KCNN2: variants seen among roughly 807,000 people sequenced by gnomAD.
The protein encoded by KCNN2 is small conductance calcium-activated potassium channel protein 2.
Under a neutral mutation model 55.5 loss-of-function variants are expected in KCNN2, and 24 were observed. That is an observed-to-expected ratio of 0.43 (90% CI 0.31 to 0.61). The LOEUF (loss-of-function observed/expected upper bound fraction) is 0.61. Ranked by LOEUF, KCNN2 falls within the 20% of genes least tolerant of loss-of-function variation. The pLI is 0.08. For missense variants in KCNN2, 754 were observed against 853.6 expected (o/e 0.88, Z 1.45); for synonymous variants, 431 against 336.1 (o/e 1.28, Z -3.09).
At chr5:114,103,881 A>G (rs1751424205) in intron 1 of KCNN2, among the ~76,000 whole-genome samples, 1 of 151,800 alleles carries the variant, frequency 6.6e-6, no homozygotes, top group Non-Finnish European at 1.5e-5. Flanking sequence ...TTGGCCTGAG[A>G]TTTTCTTTTT....
chr5:114,329,538 G>T (rs1024277429), intron 2 of KCNN2, among the ~76,000 whole-genome samples: 5 of 152,118 alleles, frequency 3.3e-5, no homozygotes, highest in East Asian at 1.9e-4. Context: ...TTACACCAGT[G>T]GTTGGTCAGG....
At chr5:114,137,886 G>T (rs149995298) in intron 1 of KCNN2, among the ~76,000 whole-genome samples, 1 of 152,258 alleles carries the variant, frequency 6.6e-6, no homozygotes, top group Non-Finnish European at 1.5e-5. Flanking sequence ...TATGATGCCA[G>T]TAAAGTATTT....
At position 114,232,387 on chromosome 5, in the gene KCNN2, A is replaced by G. The variant is rs1054180822; in HGVS notation, c.-185+10822A>G. 3.2e-4 allele frequency among the ~76,000 whole-genome samples: 49 copies of G among 151,380 alleles called. 3 individuals carry two copies. The highest frequency in any genetic ancestry group is 1.2e-3 in the African/African-American group (49 of 40,678). On this transcript the variant is annotated intron_variant, in intron 2 of 10. Coordinates refer to the KCNN2 transcript ENST00000512097. The stretch of plus-strand genomic sequence containing the variant: ...ACTTTCTTCTCTACCTTTCTAAATT[A>G]TAAACATAACATTAAAAAATAAAAA...
At chr5:114,168,130 T>C (rs1370327690) in intron 1 of KCNN2, among the ~76,000 whole-genome samples, 1 of 150,222 alleles carries the variant, frequency 6.7e-6, no homozygotes, top group South Asian at 2.1e-4. Context: ...TAGCATTATA[T>C]ATGTGTGTAT....
In KCNN2 at chr5:114,288,517, CACACACACACACAT is replaced by C. The variant is rs1398541006; in HGVS notation, c.-185+66958_-185+66971del. On this transcript the variant is annotated intron_variant, in intron 2 of 10. Coordinates refer to the KCNN2 transcript ENST00000512097. Reference sequence around the variant, plus strand: ...ATATATATACACACACACACACACACACACACACACACATACACATAGATAATATTTTTTGATAG... The same window carrying C: ...ATATATATACACACACACACACACACACACATAGATAATATTTTTTGATAG... Among the ~76,000 whole-genome samples the C allele has an allele frequency of 4.7e-4, 72 of 151,830 alleles. 1 individual carries two copies. The highest frequency in any genetic ancestry group is 1.4e-3 in the African/African-American group (58 of 41,432).
intron 1 of KCNN2, among the ~76,000 whole-genome samples, chr5:114,095,765 G>C (rs958563468): frequency 6.6e-6 from 1 of 152,192 alleles, no homozygotes; most frequent in Admixed American, 6.5e-5. Flanking sequence ...TCTCCCTGCT[G>C]TAGTCTACTT....
At chr5:114,106,640 G>GTTTTTTTT (rs1352770725) in intron 1 of KCNN2, among the ~76,000 whole-genome samples, 1 of 92,768 alleles carries the variant, frequency 1.1e-5, no homozygotes, top group Non-Finnish European at 2.4e-5. Flanking sequence ...GGATTTTCCA[G>GTTTTTTTT]TTGTTTTTTT....
chr5:114,380,289 T>C (rs1160482781), intron 2 of KCNN2, among the ~76,000 whole-genome samples: 4 of 152,196 alleles, frequency 2.6e-5, no homozygotes, highest in African/African-American at 9.7e-5. Flanking sequence ...CCTGCTTCTT[T>C]CTGGTGGTCC....
chr5:114,433,603 C>G (rs1326517505), intron 3 of KCNN2: 1 of 152,512 alleles, frequency 6.6e-6, no homozygotes, highest in Admixed American at 6.5e-5. Context: ...TTTGGGTCCA[C>G]ACTGCCTTTA....
chr5:114,354,223 CT>C (rs1561582062), intron 2 of KCNN2, among the ~76,000 whole-genome samples: 1 of 151,944 alleles, frequency 6.6e-6, no homozygotes, highest in African/African-American at 2.4e-5. Flanking sequence ...TATGGTTACT[CT>C]ACTTTTCAAC....
chr5:114,480,575 A>G (rs114334038), intron 5 of KCNN2, among the ~76,000 whole-genome samples: 223 of 152,120 alleles, frequency 1.5e-3, no homozygotes, highest in African/African-American at 5.2e-3. Flanking sequence ...CTTCTAGTCA[A>G]TATCTCAATA....
At chr5:114,418,445 A>G (rs1465901916) in intron 3 of KCNN2, among the ~76,000 whole-genome samples, 2 of 152,086 alleles carry the variant, frequency 1.3e-5, no homozygotes, top group African/African-American at 2.4e-5. Context: ...AAGTATTTCC[A>G]TTTACTCTGC....
At chr5:114,370,108 T>C (rs1757718590) in intron 2 of KCNN2, among the ~76,000 whole-genome samples, 1 of 152,154 alleles carries the variant, frequency 6.6e-6, no homozygotes, top group Non-Finnish European at 1.5e-5. Context: ...TAATTCTATT[T>C]ATAAAACTAG....
chr5:114,212,068 C>T (rs1045648893), intron 1 of KCNN2, among the ~76,000 whole-genome samples: 4 of 151,720 alleles, frequency 2.6e-5, no homozygotes, highest in Non-Finnish European at 5.9e-5. Flanking sequence ...ATACTTAATT[C>T]GATAACTATG....
At chr5:114,191,274 CTG>C (rs1472422331) in intron 1 of KCNN2, among the ~76,000 whole-genome samples, 1 of 152,112 alleles carries the variant, frequency 6.6e-6, no homozygotes, top group Admixed American at 6.6e-5. Flanking sequence ...CTGCAGCAAT[CTG>C]TTGTTTCAGA....
intron 2 of KCNN2, among the ~76,000 whole-genome samples, chr5:114,400,254 C>T (rs1427124452): frequency 1.3e-5 from 2 of 152,102 alleles, no homozygotes; most frequent in Non-Finnish European, 2.9e-5. Flanking sequence ...GCATTTAGTG[C>T]TATAAACTTT....
chr5:114,218,806 G>T (rs1561527579), intron 1 of KCNN2, among the ~76,000 whole-genome samples: 2 of 152,140 alleles, frequency 1.3e-5, no homozygotes, highest in Non-Finnish European at 2.9e-5. Flanking sequence ...GCTGAAATCG[G>T]GGAGGCTATG....
intron 3 of KCNN2, among the ~76,000 whole-genome samples, chr5:114,455,984 G>A (rs1004971197): frequency 6.6e-6 from 1 of 152,240 alleles, no homozygotes; most frequent in Non-Finnish European, 1.5e-5. Context: ...AAAGCAAGGT[G>A]AAGCAGGAAG....
Position 114,473,151 on chromosome 5 carries a change from A to C in KCNN2, c.1877A>C (p.Gln626Pro). The change falls in exon 5 of 8, where the codon CAG becomes CCG. Residue 626 changes from glutamine (Q) to proline (P), a missense_variant. By Grantham distance (76) the Gln-to-Pro change is moderately conservative. Transcript: ENST00000673685. ...GTGCACAATTTCATGATGGATACTCAGCTGACTAAAAGAGTAAGTTACTAT... is the reference window on the plus strand; with the variant it reads ...GTGCACAATTTCATGATGGATACTCCGCTGACTAAAAGAGTAAGTTACTAT... ...KHVHNFMMDTQLTKRVKNAAA... is the reference protein window; with the variant it reads ...KHVHNFMMDTPLTKRVKNAAA... 6.3e-7 allele frequency: 1 copy of C among 1,595,068 alleles called. No individual in the cohort carries two copies. The highest frequency in any genetic ancestry group is 8.6e-7 in the Non-Finnish European group (1 of 1,164,306).
Sources: allele counts gnomAD v4.1 joint callset (sites outside exome capture counted in the v4.1 genomes callset), GRCh38; gene constraint gnomAD v4.1.1; transcripts MANE v1.5; gene names NCBI Gene and HGNC (gene_info 2026-07-23, HGNC 2026-07-21).